STXBP5L: variants seen among roughly 807,000 people sequenced by gnomAD.
The protein encoded by STXBP5L is syntaxin-binding protein 5-like.
Under a neutral mutation model 144.5 loss-of-function variants are expected in STXBP5L, and 65 were observed. That is an observed-to-expected ratio of 0.45 (90% CI 0.37 to 0.55). STXBP5L has a LOEUF of 0.55. STXBP5L is among the 20% of genes least tolerant of loss of function. The pLI, the probability that STXBP5L is intolerant of heterozygous loss-of-function variation, is 0.00. For synonymous variants in STXBP5L, 505 were observed against 469.6 expected (o/e 1.08, Z -0.97); for missense variants, 1,298 against 1,405.5 (o/e 0.92, Z 1.22).
At chr3:121,113,666 C>CTTTTTTTTTTTTTTTTTTTTT (rs1273804231) in intron 5 of STXBP5L, among the ~76,000 whole-genome samples, 1 of 132,902 alleles carries the variant, frequency 7.5e-6, no homozygotes, top group African/African-American at 2.8e-5. Flanking sequence ...ATTCTTTTTT[C>CTTTTTTTTTTTTTTTTTTTTT]TTTTTCTTTT....
intron 2 of STXBP5L, among the ~76,000 whole-genome samples, chr3:120,930,403 C>T (rs913942721): frequency 1.3e-5 from 2 of 151,888 alleles, no homozygotes; most frequent in Non-Finnish European, 2.9e-5. Context: ...TTAGCTCTTT[C>T]TGTAGTAGAT....
At chr3:120,957,320 T>G (rs952821044) in intron 3 of STXBP5L, among the ~76,000 whole-genome samples, 2 of 152,028 alleles carry the variant, frequency 1.3e-5, no homozygotes, top group Non-Finnish European at 2.9e-5. Flanking sequence ...ATTGATTATG[T>G]TACTGTGATA....
At chr3:121,259,218 G>C (rs760921145) in intron 18 of STXBP5L, 50 bp downstream of exon 18, 23 of 1,355,128 alleles carry the variant, frequency 1.7e-5, no homozygotes, top group Admixed American at 5.2e-5. Flanking sequence ...TAATATGTTT[G>C]ATTTTTTAGA....
chr3:121,279,295 T>G lies in STXBP5L; in HGVS notation c.1959-510T>G, dbSNP rs1414072437. ...CACAAAAGTAAGAAACATTTAACTT[T>G]TTGTATCTCCTCATTTCTAATATAG... On this transcript the variant is annotated intron_variant, in intron 18 of 26. Coordinates refer to ENST00000471454, the MANE Select transcript of STXBP5L (RefSeq NM_001308330.2). 2.0e-5 allele frequency among the ~76,000 whole-genome samples: 3 copies of G among 152,036 alleles called. No individual in the cohort carries two copies. In the East Asian group the frequency reaches 5.8e-4, roughly 29 times the overall value.
In STXBP5L at chr3:121,423,966, G is replaced by C. The variant is rs1281271283; in HGVS notation, c.*4869G>C. ...TCAATTATTCCAATTCAAAGGTCTA[G>C]GTTTTTTTTCAATTGTCTTACACAT... On this transcript the variant is annotated 3_prime_UTR_variant, in exon 27 of 27. Transcript: ENST00000471454. 1 of 152,108 alleles carries C rather than the reference G, an allele frequency of 6.6e-6. No homozygotes were observed. Among genetic ancestry groups the C allele is most frequent in the Admixed American group, 6.5e-5 (1 of 15,268 alleles). The allele number at this position is 152,108 out of a possible 1,614,324, so 9.4% of individuals were successfully genotyped here. A position where few individuals can be genotyped will look rare whatever the true frequency, so the allele number is the denominator to read the frequency against.
At chr3:121,159,627 CTTT>C (rs1161847567) in intron 9 of STXBP5L, among the ~76,000 whole-genome samples, 4 of 121,922 alleles carry the variant, frequency 3.3e-5, no homozygotes, top group Non-Finnish European at 3.4e-5. Context: ...TGTACATTTT[CTTT>C]TTTTTTTTTT....
intron 9 of STXBP5L, among the ~76,000 whole-genome samples, chr3:121,193,125 A>T (rs2047769411): frequency 7.0e-6 from 1 of 142,824 alleles, no homozygotes; most frequent in South Asian, 2.4e-4. Context: ...CAAATTTACA[A>T]GAAAAAAACA....
At chr3:121,390,546 T>C (rs181473932) in intron 22 of STXBP5L, among the ~76,000 whole-genome samples, 25 of 152,344 alleles carry the variant, frequency 1.6e-4, no homozygotes, top group Non-Finnish European at 2.6e-4. Flanking sequence ...TTTCCATGTT[T>C]AGTGATTCCT....
intron 7 of STXBP5L, among the ~76,000 whole-genome samples, chr3:121,136,643 T>C (rs1192154608): frequency 1.3e-5 from 2 of 152,198 alleles, no homozygotes; most frequent in African/African-American, 4.8e-5. Context: ...TGTAAATTAG[T>C]TAAGCCATTG....
At chr3:120,952,146 G>A (rs1300389457) in intron 2 of STXBP5L, among the ~76,000 whole-genome samples, 3 of 148,592 alleles carry the variant, frequency 2.0e-5, no homozygotes, top group Non-Finnish European at 4.4e-5. Flanking sequence ...CACACTCTGG[G>A]GACTGTTGTG....
chr3:121,002,148 G>T (rs191907405), intron 3 of STXBP5L, among the ~76,000 whole-genome samples: 1 of 152,218 alleles, frequency 6.6e-6, no homozygotes, highest in East Asian at 1.9e-4. Flanking sequence ...CAAAATGGCT[G>T]TACCAATTTA....
At chr3:120,943,887 C>T (rs1377521783) in intron 2 of STXBP5L, among the ~76,000 whole-genome samples, 1 of 150,640 alleles carries the variant, frequency 6.6e-6, no homozygotes, top group Non-Finnish European at 1.5e-5. Context: ...CTCTGTCTCG[C>T]TTTCTCTCTT....
intron 9 of STXBP5L, among the ~76,000 whole-genome samples, chr3:121,192,277 C>T (rs568864904): frequency 6.6e-6 from 1 of 152,166 alleles, no homozygotes; most frequent in African/African-American, 2.4e-5. Flanking sequence ...ATGTGAAGGA[C>T]CTCTTCAAGG....
At chr3:121,074,329 C>T (rs1036461626) in intron 5 of STXBP5L, among the ~76,000 whole-genome samples, 1 of 152,170 alleles carries the variant, frequency 6.6e-6, no homozygotes, top group Non-Finnish European at 1.5e-5. Flanking sequence ...TATAATGTAG[C>T]TGCAACTTTA....
intron 3 of STXBP5L, among the ~76,000 whole-genome samples, chr3:120,980,859 T>G (rs536349237): frequency 6.6e-6 from 1 of 152,318 alleles, no homozygotes; most frequent in African/African-American, 2.4e-5. Context: ...ATTTCCACGT[T>G]TTGAACTCCA....
chr3:121,009,006 C>T lies in STXBP5L; in HGVS notation c.288-32694C>T, dbSNP rs187242827. Among the ~76,000 whole-genome samples, 17 of 151,272 alleles carry T rather than the reference C, an allele frequency of 1.1e-4. 1 individual carries two copies. In the East Asian group the frequency reaches 2.5e-3, roughly 23 times the overall value. On this transcript the variant is annotated intron_variant, in intron 3 of 26. Transcript: ENST00000471454. Reference sequence around the variant, plus strand: ...TATTGATGGTTTAGCTTGGATTCTTCTGACTGGTTGGATATGCAGTAGAGA... The same window carrying T: ...TATTGATGGTTTAGCTTGGATTCTTTTGACTGGTTGGATATGCAGTAGAGA...
chr3:120,949,507 G>A (rs1711064422), intron 2 of STXBP5L, among the ~76,000 whole-genome samples: 1 of 151,712 alleles, frequency 6.6e-6, no homozygotes. Context: ...ATGTCTAGAA[G>A]AGTTTTTCCA....
At chr3:121,001,149 C>A (rs1943742204) in intron 3 of STXBP5L, among the ~76,000 whole-genome samples, 1 of 152,188 alleles carries the variant, frequency 6.6e-6, no homozygotes, top group South Asian at 2.1e-4. Context: ...ATGGCAGGGT[C>A]TGTGCATAGG....
chr3:121,141,403 C>CA (rs11441021), intron 7 of STXBP5L, among the ~76,000 whole-genome samples: 47,360 of 146,428 alleles, frequency 0.32, 7,688 homozygotes, highest in Admixed American at 0.44. Context: ...AACTCTGTCT[C>CA]AAAAAAAAAA....
Sources: gnomAD v4.1 joint callset for allele counts (sites outside exome capture counted in the v4.1 genomes callset) on GRCh38, gnomAD v4.1.1 for gene constraint, MANE v1.5 for transcripts, NCBI Gene and HGNC (gene_info 2026-07-23, HGNC 2026-07-21) for gene names.